CSRNP3: variants seen among roughly 807,000 people sequenced by gnomAD.
CSRNP3 encodes the protein cysteine and serine rich nuclear protein 3.
CSRNP3 carries 12 observed loss-of-function variants against 48.0 expected under a neutral mutation model. The observed-to-expected ratio is 0.25, with a 90% confidence interval of 0.16 to 0.41. The LOEUF (loss-of-function observed/expected upper bound fraction) is 0.41. Ranked by LOEUF, CSRNP3 falls within the 10% of genes least tolerant of loss-of-function variation. CSRNP3 has a pLI of 1.00. For missense variants in CSRNP3, 580 were observed against 724.4 expected, an observed-to-expected ratio of 0.80 and a Z score of 2.29; for synonymous variants, 263 against 269.7, an observed-to-expected ratio of 0.98 and a Z score of 0.24.
chr2:165,639,980 T>A (rs764193078), intron 4 of CSRNP3, among the ~76,000 whole-genome samples: 8 of 152,178 alleles, frequency 5.3e-5, no homozygotes, highest in Non-Finnish European at 1.0e-4. Flanking sequence ...AAAAAAGTAT[T>A]TAAATTCCAG....
chr2:165,603,124 T>A (rs941904847), intron 4 of CSRNP3, among the ~76,000 whole-genome samples: 19 of 152,110 alleles, frequency 1.2e-4, no homozygotes, highest in African/African-American at 4.6e-4. Context: ...CTTGATCTCC[T>A]GACCTCATGA....
chr2:165,474,189 T>A (rs1450471696), intron 1 of CSRNP3, among the ~76,000 whole-genome samples: 2 of 152,198 alleles, frequency 1.3e-5, no homozygotes, highest in East Asian at 1.9e-4. Context: ...ATGTAGTTTT[T>A]AAATTTATAT....
chr2:165,539,966 A>G (rs1684931501), intron 3 of CSRNP3, among the ~76,000 whole-genome samples: 1 of 152,100 alleles, frequency 6.6e-6, no homozygotes, highest in South Asian at 2.1e-4. Context: ...AACTTGGGAA[A>G]ACATCAGAAT....
At chr2:165,557,337 A>T (rs1290827622) in intron 3 of CSRNP3, among the ~76,000 whole-genome samples, 1 of 152,248 alleles carries the variant, frequency 6.6e-6, no homozygotes, top group Non-Finnish European at 1.5e-5. Context: ...TTGTGACGGC[A>T]ACCATATGTT....
chr2:165,600,797 G>A (rs747412186), intron 4 of CSRNP3, among the ~76,000 whole-genome samples: 25 of 151,960 alleles, frequency 1.6e-4, no homozygotes, highest in Non-Finnish European at 3.2e-4. Context: ...ACTCATCATG[G>A]GCTAATCTTT....
At chr2:165,623,709 GC>G (rs1309856038) in intron 4 of CSRNP3, among the ~76,000 whole-genome samples, 1 of 152,156 alleles carries the variant, frequency 6.6e-6, no homozygotes, top group Admixed American at 6.6e-5. Flanking sequence ...CCCCTAGGCA[GC>G]AACATCTACA....
intron 4 of CSRNP3, among the ~76,000 whole-genome samples, chr2:165,607,142 C>G (rs1686043013): frequency 6.6e-6 from 1 of 152,086 alleles, no homozygotes; most frequent in Non-Finnish European, 1.5e-5. Flanking sequence ...CCTTACCACG[C>G]CTTCGTGCCA....
chr2:165,491,949 A>T (rs925087932), intron 1 of CSRNP3, among the ~76,000 whole-genome samples: 3 of 145,390 alleles, frequency 2.1e-5, no homozygotes, highest in Non-Finnish European at 4.5e-5. Context: ...TTAAAGTATA[A>T]TAAAAAAAAA....
chr2:165,665,156 C>T (rs1360825533), intron 5 of CSRNP3, among the ~76,000 whole-genome samples: 1 of 152,072 alleles, frequency 6.6e-6, no homozygotes, highest in African/African-American at 2.4e-5. Flanking sequence ...GGTAGCTATC[C>T]TCAAGAGTAA....
chr2:165,581,557 G>A (rs1685547450), intron 3 of CSRNP3, among the ~76,000 whole-genome samples: 1 of 81,060 alleles, frequency 1.2e-5, no homozygotes, highest in Non-Finnish European at 2.2e-5. Flanking sequence ...CTTTTTTTGA[G>A]ACAGAGTCTC....
chr2:165,574,150 T>A (rs930572911), intron 3 of CSRNP3: 6 of 489,624 alleles, frequency 1.2e-5, no homozygotes, highest in African/African-American at 7.9e-5. Context: ...AGAACCGCAG[T>A]TCCACAATTC....
chr2:165,481,330 C>T (rs949243244), intron 1 of CSRNP3, among the ~76,000 whole-genome samples: 1 of 152,142 alleles, frequency 6.6e-6, no homozygotes, highest in African/African-American at 2.4e-5. Flanking sequence ...GGAATATACC[C>T]TGACAAATCC....
chr2:165,600,660 T>G (rs1211921800), intron 4 of CSRNP3, among the ~76,000 whole-genome samples: 1 of 152,218 alleles, frequency 6.6e-6, no homozygotes, highest in African/African-American at 2.4e-5. Context: ...ACTGTGATTT[T>G]GATTTGCATT....
chr2:165,499,658 A>G (rs1232573999), intron 2 of CSRNP3, among the ~76,000 whole-genome samples: 2 of 152,174 alleles, frequency 1.3e-5, no homozygotes, highest in Non-Finnish European at 2.9e-5. Context: ...ACTGAATTCC[A>G]TTGAGAACTG....
intron 5 of CSRNP3, among the ~76,000 whole-genome samples, chr2:165,673,390 C>T (rs991629998): frequency 4.6e-5 from 7 of 151,672 alleles, no homozygotes; most frequent in Non-Finnish European, 7.4e-5. Context: ...TGCCTGCCTC[C>T]GTCTACCAAA....
intron 5 of CSRNP3, among the ~76,000 whole-genome samples, chr2:165,665,248 G>A (rs953287672): frequency 7.2e-5 from 11 of 152,128 alleles, no homozygotes; most frequent in African/African-American, 1.4e-4. Flanking sequence ...TATAGATGCC[G>A]TTATCCTTCA....
chr2:165,482,086 T>C (rs1380131663), intron 1 of CSRNP3, among the ~76,000 whole-genome samples: 3 of 151,630 alleles, frequency 2.0e-5, no homozygotes, highest in African/African-American at 7.3e-5. Flanking sequence ...AAAATAAAAA[T>C]AGAAGAAAAA....
At chr2:165,492,364 A>G (rs1574802020) in intron 1 of CSRNP3, among the ~76,000 whole-genome samples, 2 of 152,092 alleles carry the variant, frequency 1.3e-5, no homozygotes, top group East Asian at 3.9e-4. Context: ...AAAGTCCTTG[A>G]AGGCTCTACA....
chr2:165,650,336 G>C lies in CSRNP3; in HGVS notation c.149-7425G>C, dbSNP rs6708389. Among the ~76,000 whole-genome samples, 441 of 152,284 alleles carry C rather than the reference G, an allele frequency of 2.9e-3. 7 individuals carry two copies. Among genetic ancestry groups the C allele is most frequent in the African/African-American group, 0.01 (416 of 41,574 alleles). ...CAAGGAATTACTCCTATAGTTCTTAGTTGCTAGACCCATTTTTACTTGGTT... is the reference window on the plus strand; with the variant it reads ...CAAGGAATTACTCCTATAGTTCTTACTTGCTAGACCCATTTTTACTTGGTT... On this transcript the variant is annotated intron_variant, in intron 4 of 6. Transcript: ENST00000651982.
Sources: allele counts gnomAD v4.1 joint callset (sites outside exome capture counted in the v4.1 genomes callset), GRCh38; gene constraint gnomAD v4.1.1; transcripts MANE v1.5; gene names NCBI Gene and HGNC (gene_info 2026-07-23, HGNC 2026-07-21).